The following KATNBL1 variants were observed in gnomAD, a reference collection of about 807,000 sequenced individuals.
The protein encoded by KATNBL1 is KATNB1-like protein 1.
A neutral mutation model predicts 44.7 loss-of-function variants in KATNBL1; 28 were observed. The ratio of observed to expected loss-of-function variants is 0.63; its 90% CI spans 0.46 to 0.86. The LOEUF (loss-of-function observed/expected upper bound fraction) is 0.86, where lower values mean the gene tolerates loss of function less well. Among genes scored for constraint, KATNBL1 ranks in the 40% least tolerant of loss-of-function variants. The pLI is 0.00. For synonymous variants in KATNBL1, 78 were observed against 114.9 expected (o/e 0.68, Z 2.06); for missense variants, 272 against 350.7 (o/e 0.78, Z 1.79).
chr15:34,150,012 CTT>C (rs1486863213), intron 4 of KATNBL1, among the ~76,000 whole-genome samples: 3 of 152,180 alleles, frequency 2.0e-5, no homozygotes, highest in Non-Finnish European at 4.4e-5. Flanking sequence ...TGTACAGACA[CTT>C]TTGTTAAAAT....
intron 2 of KATNBL1, among the ~76,000 whole-genome samples, chr15:34,158,479 C>G (rs1010328240): frequency 4.6e-5 from 7 of 152,280 alleles, no homozygotes; most frequent in Admixed American, 4.6e-4. Context: ...AGGTTGTTCC[C>G]CCAGCTTTCA....
At chr15:34,143,672 A>T (rs1286597181) in intron 9 of KATNBL1, among the ~76,000 whole-genome samples, 2 of 151,244 alleles carry the variant, frequency 1.3e-5, no homozygotes, top group Non-Finnish European at 3.0e-5. Flanking sequence ...TCTATAGGCC[A>T]GGCGCAGTGG....
chr15:34,144,144 T>C (rs1214066515), intron 9 of KATNBL1, among the ~76,000 whole-genome samples: 1 of 151,878 alleles, frequency 6.6e-6, no homozygotes, highest in Non-Finnish European at 1.5e-5. Flanking sequence ...GGCTGTCACT[T>C]TGACAGGAGA....
At chr15:34,147,129 A>G (rs1172898784) in intron 7 of KATNBL1, 71 bp downstream of exon 7, 10 of 907,704 alleles carry the variant, frequency 1.1e-5, no homozygotes, top group Admixed American at 5.8e-5. Context: ...CCAATCTACT[A>G]TGTACTCACA....
chr15:34,198,602 AC>A (rs1349928283), intron 1 of KATNBL1, among the ~76,000 whole-genome samples: 1 of 152,232 alleles, frequency 6.6e-6, no homozygotes, highest in Non-Finnish European at 1.5e-5. Flanking sequence ...CATAACTAAT[AC>A]AAAAGTGTTC....
At chr15:34,195,847 G>A (rs1051430804) in intron 1 of KATNBL1, among the ~76,000 whole-genome samples, 1 of 152,034 alleles carries the variant, frequency 6.6e-6, no homozygotes, top group African/African-American at 2.4e-5. Flanking sequence ...TAGTTATGGC[G>A]ACATGGAAAT....
At chr15:34,153,720 G>A (rs1038395523) in intron 3 of KATNBL1, among the ~76,000 whole-genome samples, 5 of 152,140 alleles carry the variant, frequency 3.3e-5, no homozygotes, top group South Asian at 2.1e-4. Flanking sequence ...ACAGTCGCGC[G>A]CCACCATGCT....
chr15:34,206,887 G>A (rs941062292), intron 1 of KATNBL1, among the ~76,000 whole-genome samples: 15 of 152,020 alleles, frequency 9.9e-5, no homozygotes, highest in Non-Finnish European at 1.8e-4. Context: ...GGTTTAAGGT[G>A]TTTAATTAAA....
intron 1 of KATNBL1, among the ~76,000 whole-genome samples, chr15:34,166,986 G>A (rs1888997813): frequency 6.6e-6 from 1 of 152,112 alleles, no homozygotes; most frequent in South Asian, 2.1e-4. Flanking sequence ...ACAAAGATGG[G>A]GAGAAACCAG....
At chr15:34,158,720 T>C (rs1001224777) in intron 2 of KATNBL1, among the ~76,000 whole-genome samples, 2 of 152,242 alleles carry the variant, frequency 1.3e-5, no homozygotes, top group African/African-American at 4.8e-5. Context: ...AGGCTTGATT[T>C]AATGCAAACA....
chr15:34,188,656 A>G (rs896828780), intron 1 of KATNBL1, among the ~76,000 whole-genome samples: 4 of 152,228 alleles, frequency 2.6e-5, no homozygotes, highest in Non-Finnish European at 5.9e-5. Context: ...TCAGTTCTCC[A>G]TTAGTTCTGT....
At chr15:34,161,745 TACAGAGCAGGTGACTAAGATGACTGAGG>T (rs1888815318) in intron 2 of KATNBL1, among the ~76,000 whole-genome samples, 1 of 152,206 alleles carries the variant, frequency 6.6e-6, no homozygotes, top group African/African-American at 2.4e-5. Context: ...GAAGGATGGT[TACAGAGCAGGTGACTAAGATGACTGAGG>T]ACAGAGCAGG....
intron 1 of KATNBL1, among the ~76,000 whole-genome samples, chr15:34,186,583 A>G (rs1436975617): frequency 6.6e-6 from 1 of 152,046 alleles, no homozygotes; most frequent in African/African-American, 2.4e-5. Flanking sequence ...GTGGGGTGGG[A>G]GCTCCCCTGT....
intron 1 of KATNBL1, among the ~76,000 whole-genome samples, chr15:34,170,453 G>C (rs1346292899): frequency 6.6e-6 from 1 of 152,178 alleles, no homozygotes; most frequent in Non-Finnish European, 1.5e-5. Context: ...CAAACAAATG[G>C]AAGAACATTC....
intron 1 of KATNBL1, among the ~76,000 whole-genome samples, chr15:34,175,353 T>G (rs1889297673): frequency 6.6e-6 from 1 of 152,128 alleles, no homozygotes; most frequent in Admixed American, 6.5e-5. Context: ...CTCAAAAAAT[T>G]TCAGTGCTCA....
chr15:34,148,799 T>C (rs751647938), intron 4 of KATNBL1, 49 bp from the exon 5 acceptor site: 1 of 1,039,402 alleles, frequency 9.6e-7, no homozygotes, highest in East Asian at 2.4e-5. Flanking sequence ...AAACAGGGTA[T>C]GAAACTATTT....
Position 34,151,510 on chromosome 15 carries a change from G to A in KATNBL1, c.438+1280C>T, listed in dbSNP as rs139683460. 4.1e-3 allele frequency among the ~76,000 whole-genome samples: 498 copies of A among 121,206 alleles called. 2 individuals carry two copies. The highest frequency in any genetic ancestry group is 0.014 in the African/African-American group (462 of 32,942). 79.5% of individuals were successfully genotyped at this position (121,206 alleles called of 152,430 possible). On this transcript the variant is annotated intron_variant, in intron 4 of 9. Transcript: ENST00000256544. ...TCTGTAACCCAGGCTGGAGTGCAGTGACAAGATCTTGGCTCACTGCAACCT... is the reference window on the plus strand; with the variant it reads ...TCTGTAACCCAGGCTGGAGTGCAGTAACAAGATCTTGGCTCACTGCAACCT...
intron 1 of KATNBL1, among the ~76,000 whole-genome samples, chr15:34,163,979 G>A (rs1464985969): frequency 6.6e-6 from 1 of 151,154 alleles, no homozygotes; most frequent in Non-Finnish European, 1.5e-5. Context: ...TGCAACCTCC[G>A]CCTCCTGGGT....
At chr15:34,172,150 C>T (rs576918556) in intron 1 of KATNBL1, among the ~76,000 whole-genome samples, 1 of 151,878 alleles carries the variant, frequency 6.6e-6, no homozygotes, top group Non-Finnish European at 1.5e-5. Context: ...GATTGAATAT[C>T]CATTTAAGAC....
Sources: gnomAD v4.1 joint callset for allele counts (sites outside exome capture counted in the v4.1 genomes callset) on GRCh38, gnomAD v4.1.1 for gene constraint, MANE v1.5 for transcripts, NCBI Gene and HGNC (gene_info 2026-07-23, HGNC 2026-07-21) for gene names.